The following SNTB1 variants were observed in gnomAD, a reference collection of about 807,000 sequenced individuals.
The protein encoded by SNTB1 is syntrophin beta 1, also known as beta-1-syntrophin.
SNTB1 carries 36 observed loss-of-function variants against 48.9 expected under a neutral mutation model. The observed-to-expected ratio is 0.74, with a 90% confidence interval of 0.56 to 0.97. SNTB1 has a LOEUF of 0.97. Ranked by LOEUF, SNTB1 falls within the 50% of genes least tolerant of loss-of-function variation. The pLI, the probability that SNTB1 is intolerant of heterozygous loss-of-function variation, is 0.00. For missense variants in SNTB1, 786 were observed against 703.4 expected (o/e 1.12, Z -1.33); for synonymous variants, 299 against 294.6 (o/e 1.01, Z -0.15).
intron 1 of SNTB1, among the ~76,000 whole-genome samples, chr8:120,695,484 A>G (rs1231381946): frequency 6.6e-6 from 1 of 152,226 alleles, no homozygotes; most frequent in African/African-American, 2.4e-5. Context: ...GGAGGCTGCA[A>G]AGTCACTACC....
intron 3 of SNTB1, among the ~76,000 whole-genome samples, chr8:120,615,210 C>A (rs1816694032): frequency 6.6e-6 from 1 of 152,086 alleles, no homozygotes; most frequent in South Asian, 2.1e-4. Flanking sequence ...TTGCTTCCCT[C>A]CCCACAACTC....
chr8:120,595,978 A>T (rs1816315772), intron 3 of SNTB1, among the ~76,000 whole-genome samples: 1 of 151,748 alleles, frequency 6.6e-6, no homozygotes, highest in Non-Finnish European at 1.5e-5. Context: ...CCTGTAATGG[A>T]CTCACTTTCT....
At position 120,693,841 on chromosome 8, in the gene SNTB1, T is replaced by C; in HGVS notation, c.639A>G (p.Glu213=). 1 of 1,614,116 alleles carries C rather than the reference T, an allele frequency of 6.2e-7. No individual in the cohort carries two copies. ...KGSPVSEIGW[E]TPPPESPRLG... is the part of the protein sequence containing the mutation. Reference sequence around the variant, plus strand: ...ACCGAGGGGATTCAGGCGGAGGTGTTTCCCACCCAATCTCGGATACTGGGG... The same window carrying C: ...ACCGAGGGGATTCAGGCGGAGGTGTCTCCCACCCAATCTCGGATACTGGGG... The change falls in exon 2 of 7, where the codon GAA becomes GAG. Residue 213 remains glutamate, a synonymous_variant. Transcript: ENST00000517992.
At chr8:120,607,915 A>G (rs1816551166) in intron 3 of SNTB1, among the ~76,000 whole-genome samples, 1 of 152,216 alleles carries the variant, frequency 6.6e-6, no homozygotes, top group South Asian at 2.1e-4. Context: ...ATGAAAAGAA[A>G]TGGCTTTATT....
intron 1 of SNTB1, among the ~76,000 whole-genome samples, chr8:120,796,979 T>G (rs1820129239): frequency 6.6e-6 from 1 of 152,112 alleles, no homozygotes; most frequent in African/African-American, 2.4e-5. Context: ...GTATACATTT[T>G]TTAAAAATAC....
chr8:120,622,501 C>A (rs1389039462), intron 3 of SNTB1, among the ~76,000 whole-genome samples: 1 of 151,892 alleles, frequency 6.6e-6, no homozygotes, highest in Non-Finnish European at 1.5e-5. Flanking sequence ...AAAGCCCAAA[C>A]CAAACATATA....
At position 120,536,443 on chromosome 8, in the gene SNTB1, A is replaced by G. The variant is rs1815204116; in HGVS notation, c.*2434T>C. 1 of 152,228 alleles carries G rather than the reference A, an allele frequency of 6.6e-6. No homozygotes were observed. The highest frequency in any genetic ancestry group is 6.5e-5 in the Admixed American group (1 of 15,288). 9.4% of individuals were successfully genotyped at this position (152,228 alleles called of 1,614,324 possible). A position where few individuals can be genotyped will look rare whatever the true frequency, so the allele number is the denominator to read the frequency against. On this transcript the variant is annotated 3_prime_UTR_variant, in exon 7 of 7. Transcript: ENST00000517992. ...GAGTTTGTGTCATACACACCAGCAC[A>G]CATCAGACAAGATTAAAATCTACAG... is the stretch of plus-strand genomic sequence containing the variant.
intron 1 of SNTB1, among the ~76,000 whole-genome samples, chr8:120,782,121 G>T (rs1819839912): frequency 6.6e-6 from 1 of 152,132 alleles, no homozygotes; most frequent in Non-Finnish European, 1.5e-5. Flanking sequence ...TCACCTTCTT[G>T]CTGTGTCTCT....
chr8:120,575,878 C>T (rs1815942723), intron 3 of SNTB1, among the ~76,000 whole-genome samples: 1 of 152,206 alleles, frequency 6.6e-6, no homozygotes, highest in African/African-American at 2.4e-5. Context: ...CAGATGATCT[C>T]TGAAAACCCT....
chr8:120,676,626 G>GA (rs1228708598), intron 2 of SNTB1, among the ~76,000 whole-genome samples: 1 of 152,102 alleles, frequency 6.6e-6, no homozygotes, highest in African/African-American at 2.4e-5. Context: ...TTCCACAGCT[G>GA]AAAAAAGCTC....
At chr8:120,619,859 G>C (rs1816766351) in intron 3 of SNTB1, among the ~76,000 whole-genome samples, 1 of 152,130 alleles carries the variant, frequency 6.6e-6, no homozygotes, top group East Asian at 1.9e-4. Context: ...TTGCATGAAG[G>C]CATGAAAGAC....
At position 120,664,470 on chromosome 8, in the gene SNTB1, TTC is replaced by T. The variant is rs1441135728; in HGVS notation, c.788+29220_788+29221del. On this transcript the variant is annotated intron_variant, in intron 2 of 6. Coordinates refer to ENST00000517992, the MANE Select transcript of SNTB1 (RefSeq NM_021021.4). ...CCCCCCATGACAGTCCTTTCTCCAT[TTC>T]TCTCATTATAAGATTAGTTTGCATT... 5.3e-5 allele frequency among the ~76,000 whole-genome samples: 8 copies of T among 152,374 alleles called. No homozygotes were observed. The East Asian group carries it at 1.5e-3, about 29-fold the overall frequency.
chr8:120,767,552 G>A (rs553639528), intron 1 of SNTB1, among the ~76,000 whole-genome samples: 88 of 152,314 alleles, frequency 5.8e-4, no homozygotes, highest in African/African-American at 2.1e-3. Flanking sequence ...TGGTATAGCT[G>A]TTTAGAACAT....
chr8:120,669,642 C>T (rs1455035913), intron 2 of SNTB1, among the ~76,000 whole-genome samples: 5 of 59,766 alleles, frequency 8.4e-5, no homozygotes, highest in East Asian at 3.2e-4. Flanking sequence ...TTAGTAGAGA[C>T]GGGGTTTCAC....
In SNTB1 at chr8:120,644,467, C is replaced by T. The variant is rs1205888026; in HGVS notation, c.789-11816G>A. The stretch of plus-strand genomic sequence containing the variant: ...TGAGAATGATGATTTCCAATTTCAT[C>T]CATGTCCCTACAAAGGACATGAACT... On this transcript the variant is annotated intron_variant, in intron 2 of 6. Transcript: ENST00000517992. 4.6e-5 allele frequency among the ~76,000 whole-genome samples: 7 copies of T among 151,994 alleles called. No homozygotes were observed. The South Asian group carries it at 1.0e-3, about 23-fold the overall frequency.
At chr8:120,789,242 G>T (rs1211926293) in intron 1 of SNTB1, among the ~76,000 whole-genome samples, 2 of 151,756 alleles carry the variant, frequency 1.3e-5, no homozygotes, top group South Asian at 4.2e-4. Context: ...ATAGCAAAAG[G>T]CGTGCTAAGA....
intron 3 of SNTB1, among the ~76,000 whole-genome samples, chr8:120,628,465 A>C (rs1816921389): frequency 6.6e-6 from 1 of 152,142 alleles, no homozygotes; most frequent in Non-Finnish European, 1.5e-5. Flanking sequence ...GAGTTAAAAG[A>C]TGTGAGGCTG....
At chr8:120,579,672 C>G (rs1008818349) in intron 3 of SNTB1, among the ~76,000 whole-genome samples, 46 of 151,512 alleles carry the variant, frequency 3.0e-4, no homozygotes, top group African/African-American at 1.1e-3. Context: ...GAGTGAGACT[C>G]TGTGTCAAAA....
At chr8:120,615,234 A>C (rs1044586442) in intron 3 of SNTB1, among the ~76,000 whole-genome samples, 1 of 152,176 alleles carries the variant, frequency 6.6e-6, no homozygotes, top group African/African-American at 2.4e-5. Flanking sequence ...CTCACTGTGC[A>C]TCTGGCATTA....
Sources: gnomAD v4.1 joint callset for allele counts (sites outside exome capture counted in the v4.1 genomes callset) on GRCh38, gnomAD v4.1.1 for gene constraint, MANE v1.5 for transcripts, NCBI Gene and HGNC (gene_info 2026-07-23, HGNC 2026-07-21) for gene names.